Variants in ZNF283 observed in about 807,000 individuals in gnomAD.
ZNF283 encodes the protein zinc finger protein 283, also known as zinc finger protein 41.
In ZNF283, 10 loss-of-function variants were observed where a neutral mutation model predicts 9.2. The observed-to-expected ratio is 1.09, with a 90% confidence interval of 0.67 to 1.85. ZNF283 has a LOEUF of 1.85. Among genes scored for constraint, ZNF283 ranks in the 40% most tolerant of loss-of-function variants. ZNF283 has a pLI of 0.00. For synonymous variants in ZNF283, 234 were observed against 244.1 expected, an observed-to-expected ratio of 0.96 and a Z score of 0.38; for missense variants, 631 against 760.1, an observed-to-expected ratio of 0.83 and a Z score of 2.00.
intron 6 of ZNF283, among the ~76,000 whole-genome samples, chr19:43,844,567 G>A (rs1294558821): frequency 6.6e-6 from 1 of 152,142 alleles, no homozygotes; most frequent in Non-Finnish European, 1.5e-5. Context: ...AAATGTTAAT[G>A]CATAAAAAGC....
rs778349596 is a variant in ZNF283, at chr19:43,846,971, A to C, written c.370A>C (p.Ile124Leu). Residue 124 changes from isoleucine (I) to leucine (L), a missense_variant, in exon 7 of 7, where the codon ATA (isoleucine) becomes CTA (leucine). By Grantham distance (5) the Ile-to-Leu change is conservative. Transcript: ENST00000618787. ...LESKTYETKK[I>L]FSENDIFEIN... Reference sequence around the variant, plus strand: ...GTCAAAAACGTATGAGACCAAAAAAATATTTTCAGAAAATGATATTTTTGA... The same window carrying C: ...GTCAAAAACGTATGAGACCAAAAAACTATTTTCAGAAAATGATATTTTTGA... The C allele has an allele frequency of 6.3e-7, 1 of 1,583,298 alleles. No homozygotes were observed.
rs746434414 is a variant in ZNF283, at chr19:43,847,165, C to T, written c.564C>T (p.Tyr188=). ...TCAGCTATGAAAAAATACCTTCTTA[C>T]AGAAAAAGTAAATCTCTTACTCCAC... is the stretch of plus-strand genomic sequence containing the variant. ...MIISYEKIPS[Y]RKSKSLTPHQ... is the part of the protein sequence containing the mutation. The change falls in exon 7 of 7, where the codon TAC becomes TAT. Residue 188 remains tyrosine, a synonymous_variant. Coordinates refer to ENST00000618787, the MANE Select transcript of ZNF283 (RefSeq NM_181845.2). 16 of 1,613,422 alleles carry T rather than the reference C, an allele frequency of 9.9e-6. No individual in the cohort carries two copies. Among genetic ancestry groups the T allele is most frequent in the Non-Finnish European group, 1.2e-5 (14 of 1,179,664 alleles).
At chr19:43,844,123 A>G (rs1047256276) in intron 6 of ZNF283, among the ~76,000 whole-genome samples, 2 of 152,010 alleles carry the variant, frequency 1.3e-5, no homozygotes, top group African/African-American at 4.8e-5. Context: ...TTTTATAACA[A>G]ATCATTTATG....
intron 6 of ZNF283, among the ~76,000 whole-genome samples, chr19:43,842,956 T>C (rs188468637): frequency 2.6e-5 from 4 of 152,280 alleles, no homozygotes; most frequent in African/African-American, 9.6e-5. Context: ...AAATATTCTA[T>C]GTAATGAAAT....
intron 6 of ZNF283, chr19:43,841,128 T>C (rs932851493): frequency 1.3e-5 from 2 of 152,222 alleles, no homozygotes; most frequent in Non-Finnish European, 2.9e-5. Flanking sequence ...TTGATATGGT[T>C]AGATTTCAGT....
Position 43,847,589 on chromosome 19 carries a change from T to G in ZNF283, c.988T>G (p.Trp330Gly), listed in dbSNP as rs202159056. ...TAAGGAATGTGGGAAGGCCTTTTTT[T>G]GGGGCTCAAGCCTTGCTAAACATGA... is the stretch of plus-strand genomic sequence containing the variant. ...KCKECGKAFF[W>G]GSSLAKHEII... Residue 330 changes from tryptophan (W) to glycine (G), a missense_variant, in exon 7 of 7, where the codon TGG becomes GGG. By Grantham distance (184) the Trp-to-Gly change is radical. This residue lies in a region of ZNF283 where 444 missense variants were observed against 522.5 expected (regional missense o/e 0.85). Coordinates refer to ENST00000618787, the MANE Select transcript of ZNF283 (RefSeq NM_181845.2). 3.5e-5 allele frequency: 57 copies of G among 1,612,910 alleles called. No individual in the cohort carries two copies. Among genetic ancestry groups the G allele is most frequent in the Middle Eastern group, 3.3e-4 (2 of 6,050 alleles).
rs914088464 is a variant in ZNF283 at position 43,837,159 on chromosome 19, A to G, written c.317A>G (p.Tyr106Cys). ...TACGTGGATGTAATGTTGGAGAACT[A>G]TAGTAACTTGGTGTCACTGGGTAAG... ...DLYVDVMLEN[Y>C]SNLVSLDLES... Residue 106 changes from tyrosine to cysteine, a missense_variant, in exon 6 of 7, where the codon TAT (tyrosine) becomes TGT (cysteine). Coordinates refer to ENST00000618787, the MANE Select transcript of ZNF283 (RefSeq NM_181845.2). The G allele has an allele frequency of 2.5e-6, 4 of 1,610,932 alleles. No individual in the cohort carries two copies. The highest frequency in any genetic ancestry group is 1.7e-4 in the Middle Eastern group (1 of 6,028).
Position 43,851,035 on chromosome 19 carries a change from C to T in ZNF283, c.*2394C>T, listed in dbSNP as rs1971594026. On this transcript the variant is annotated 3_prime_UTR_variant, in exon 7 of 7. Transcript: ENST00000618787. ...GGGATTCGTAATATCACTGTTCAGT[C>T]AGTCATTCACCATCTAGTGATCATC... The T allele has an allele frequency of 6.6e-6, 1 of 152,162 alleles. No homozygotes were observed. Among genetic ancestry groups the T allele is most frequent in the Non-Finnish European group, 1.5e-5 (1 of 68,046 alleles). 9.4% of individuals were successfully genotyped at this position (152,162 alleles called of 1,614,324 possible). A position where few individuals can be genotyped will look rare whatever the true frequency, so the allele number is the denominator to read the frequency against.
At chr19:43,840,465 C>T (rs578007987) in intron 6 of ZNF283, among the ~76,000 whole-genome samples, 2 of 152,266 alleles carry the variant, frequency 1.3e-5, no homozygotes, top group Admixed American at 1.3e-4. Flanking sequence ...TGTGGTGGAG[C>T]TGAGGAGTGA....
At chr19:43,837,727 T>A (rs1971040192) in intron 6 of ZNF283, 1 of 152,598 alleles carries the variant, frequency 6.6e-6, no homozygotes, top group Non-Finnish European at 1.5e-5. Context: ...CAGGGCTAAT[T>A]TAGGTAAGAC....
At position 43,850,398 on chromosome 19, in the gene ZNF283, TC is replaced by T. The variant is rs1971573570; in HGVS notation, c.*1758del. The T allele has an allele frequency of 1.3e-5, 2 of 152,058 alleles. No individual in the cohort carries two copies. Among genetic ancestry groups the T allele is most frequent in the Non-Finnish European group, 2.9e-5 (2 of 68,000 alleles). 9.4% of individuals were successfully genotyped at this position (152,058 alleles called of 1,614,324 possible). Reference sequence around the variant, plus strand: ...ACCTAATAGGATTGGTCAGCCTTGATCAATGATCTTTGGAAATGTGTGATCA... The same window carrying T: ...ACCTAATAGGATTGGTCAGCCTTGATAATGATCTTTGGAAATGTGTGATCA... On this transcript the variant is annotated 3_prime_UTR_variant, in exon 7 of 7. Transcript: ENST00000618787.
rs752495850 is a variant in ZNF283, at chr19:43,835,565, T to G, written c.183T>G (p.Ser61Arg). The G allele has an allele frequency of 6.2e-7, 1 of 1,609,850 alleles. No homozygotes were observed. The highest frequency in any genetic ancestry group is 1.7e-5 in the Admixed American group (1 of 59,578). ...PIEESHGALISSCNSRTMTDG... is the reference protein window; with the variant it reads ...PIEESHGALIRSCNSRTMTDG... ...AGGAATCCCATGGAGCATTAATTAG[T>G]TCTTGCAATTCCAGAACCATGACTG... Residue 61 changes from serine (S) to arginine (R), a missense_variant, in exon 5 of 7, where the codon AGT becomes AGG. Ser to Arg is a moderately radical substitution (Grantham distance 110). Transcript: ENST00000618787.
intron 6 of ZNF283, among the ~76,000 whole-genome samples, chr19:43,842,162 C>G (rs1971238444): frequency 6.6e-6 from 1 of 152,254 alleles, no homozygotes; most frequent in East Asian, 1.9e-4. Flanking sequence ...GGAGGTGCAA[C>G]CCCCAGTCTT....
Position 43,848,601 on chromosome 19 carries a change from C to T in ZNF283, c.2000C>T (p.Thr667Ile), listed in dbSNP as rs199984430. 507 of 1,574,852 alleles carry T rather than the reference C, an allele frequency of 3.2e-4. 2 individuals are homozygous for T. The African/African-American group carries it at 6.3e-3, about 20-fold the overall frequency. The change falls in exon 7 of 7, where the codon ACT becomes ATT. Residue 667 changes from threonine (T) to isoleucine (I), a missense_variant. By Grantham distance (89) the Thr-to-Ile change is moderately conservative. Around this residue, in one of 3 missense-constraint regions of ZNF283, gnomAD observed 444 missense variants for 522.5 expected, o/e 0.85. Coordinates refer to ENST00000618787, the MANE Select transcript of ZNF283 (RefSeq NM_181845.2). The stretch of plus-strand genomic sequence containing the variant: ...TGTGGGGAAGCCTTTCTGTGGACAA[C>T]TTACTCAAATGAGAAAATTGATACT... ...NECGEAFLWT[T>I]YSNEKIDTDE...
chr19:43,846,321 A>T (rs1449633748), intron 6 of ZNF283, among the ~76,000 whole-genome samples: 3 of 152,224 alleles, frequency 2.0e-5, no homozygotes, highest in Non-Finnish European at 4.4e-5. Context: ...AAATCTAAGT[A>T]AATGTAAAAT....
chr19:43,846,509 CT>C, intron 6 of ZNF283, among the ~76,000 whole-genome samples: 1 of 152,070 alleles, frequency 6.6e-6, no homozygotes, highest in Non-Finnish European at 1.5e-5. Flanking sequence ...CCATGGCTGC[CT>C]TGATAAAATG....
intron 1 of ZNF283, 114 bp downstream of exon 1, chr19:43,827,558 T>G (rs189445): frequency 6.8e-6 from 1 of 147,628 alleles, no homozygotes; most frequent in Non-Finnish European, 1.5e-5. Flanking sequence ...GCATCGGGGG[T>G]GCTGGAGGTG....
chr19:43,832,914 C>T (rs940426060), intron 3 of ZNF283, among the ~76,000 whole-genome samples: 3 of 150,532 alleles, frequency 2.0e-5, no homozygotes, highest in African/African-American at 7.3e-5. Flanking sequence ...GTTCTAGCTA[C>T]TGGGGATGGA....
At chr19:43,829,867 C>T (rs1970626749) in intron 2 of ZNF283, among the ~76,000 whole-genome samples, 1 of 151,876 alleles carries the variant, frequency 6.6e-6, no homozygotes, top group Non-Finnish European at 1.5e-5. Flanking sequence ...ACTAAAAATA[C>T]AAAAAATTAG....
Sources: gnomAD v4.1 joint callset for allele counts (sites outside exome capture counted in the v4.1 genomes callset) on GRCh38, gnomAD v4.1.1 for gene constraint, gnomAD v4.1.1 regional missense constraint, MANE v1.5 for transcripts, NCBI Gene and HGNC (gene_info 2026-07-23, HGNC 2026-07-21) for gene names.